PSAT1: variants seen among roughly 807,000 people sequenced by gnomAD.
PSAT1 encodes phosphoserine aminotransferase 1.
Under a neutral mutation model 40.3 loss-of-function variants are expected in PSAT1, and 41 were observed. That is an observed-to-expected ratio of 1.02 (90% CI 0.79 to 1.32). The LOEUF is 1.32. Ranked by LOEUF, PSAT1 falls within the 40% of genes most tolerant of loss-of-function variation. The pLI is 0.00. For missense variants in PSAT1, 406 were observed against 455.8 expected, an observed-to-expected ratio of 0.89 and a Z score of 0.99; for synonymous variants, 147 against 170.5, an observed-to-expected ratio of 0.86 and a Z score of 1.07.
rs1828547751 is a variant in PSAT1 at position 78,329,317 on chromosome 9, G to C, written c.*231G>C. The stretch of plus-strand genomic sequence containing the variant: ...TGGAAGCATTTTAAGAAATCTTGTT[G>C]CTTTTCTAACAAATTCCCGCGTATT... On this transcript the variant is annotated 3_prime_UTR_variant, in exon 9 of 9. Transcript: ENST00000376588. 1.9e-6 allele frequency: 1 copy of C among 529,280 alleles called. No individual in the cohort carries two copies. The highest frequency in any genetic ancestry group is 3.3e-5 in the East Asian group (1 of 30,156). The allele number at this position is 529,280 out of a possible 1,614,324, so 32.8% of individuals were successfully genotyped here. A position where few individuals can be genotyped will look rare whatever the true frequency, so the allele number is the denominator to read the frequency against.
intron 7 of PSAT1, among the ~76,000 whole-genome samples, chr9:78,318,212 T>C (rs891716724): frequency 6.6e-6 from 1 of 152,260 alleles, no homozygotes; most frequent in Non-Finnish European, 1.5e-5. Context: ...TGTCCTCCTC[T>C]TCTGCGTTAT....
At chr9:78,301,690 C>T (rs769401319) in intron 2 of PSAT1, among the ~76,000 whole-genome samples, 1 of 152,146 alleles carries the variant, frequency 6.6e-6, no homozygotes, top group Non-Finnish European at 1.5e-5. Context: ...GAGAGCATCA[C>T]GGAGTGATGA....
At chr9:78,300,031 A>T (rs1214362153) in intron 1 of PSAT1, among the ~76,000 whole-genome samples, 1 of 152,076 alleles carries the variant, frequency 6.6e-6, no homozygotes, top group East Asian at 1.9e-4. Context: ...GAATCCTCAC[A>T]TACACAAAGA....
intron 3 of PSAT1, among the ~76,000 whole-genome samples, chr9:78,302,425 G>C (rs905713381): frequency 6.6e-6 from 1 of 152,020 alleles, no homozygotes; most frequent in African/African-American, 2.4e-5. Flanking sequence ...TGGTTAGGGG[G>C]AATATTAAAA....
intron 7 of PSAT1, among the ~76,000 whole-genome samples, chr9:78,324,280 C>G (rs1338250813): frequency 6.6e-6 from 1 of 152,168 alleles, no homozygotes; most frequent in Non-Finnish European, 1.5e-5. Context: ...GTGAATGCAG[C>G]TTTCCTAAGT....
intron 1 of PSAT1, 72 bp from the exon 2 acceptor site, chr9:78,300,530 G>A (rs1828091966): frequency 6.5e-7 from 1 of 1,537,140 alleles, no homozygotes; most frequent in Admixed American, 2.1e-5. Context: ...CCCCTCGTCA[G>A]GTTTGTATGT....
At chr9:78,310,661 A>C (rs1254714855) in intron 6 of PSAT1, among the ~76,000 whole-genome samples, 1 of 149,964 alleles carries the variant, frequency 6.7e-6, no homozygotes, top group African/African-American at 2.5e-5. Flanking sequence ...CCCAGGCTGG[A>C]GTGCAGTGGC....
intron 6 of PSAT1, among the ~76,000 whole-genome samples, chr9:78,313,590 A>T (rs1828297773): frequency 6.6e-6 from 1 of 152,188 alleles, no homozygotes; most frequent in African/African-American, 2.4e-5. Flanking sequence ...ACTCCACAAT[A>T]TACCATGGGC....
At chr9:78,327,121 A>C (rs1828512243) in intron 7 of PSAT1, among the ~76,000 whole-genome samples, 1 of 146,560 alleles carries the variant, frequency 6.8e-6, no homozygotes, top group African/African-American at 2.6e-5. Context: ...ACGCCCAGCT[A>C]ATTTTTGTAT....
At chr9:78,325,394 C>T (rs1277836863) in intron 7 of PSAT1, among the ~76,000 whole-genome samples, 1 of 152,236 alleles carries the variant, frequency 6.6e-6, no homozygotes, top group African/African-American at 2.4e-5. Flanking sequence ...AGGATCCAGT[C>T]CAGTTCCCAG....
intron 7 of PSAT1, 29 bp from the exon 8 acceptor site, chr9:78,328,022 G>A: frequency 1.9e-6 from 3 of 1,604,890 alleles, no homozygotes; most frequent in Non-Finnish European, 2.6e-6. Context: ...TTTCAGAAAA[G>A]TAGCTGGAAT....
chr9:78,326,203 G>T (rs1299786454), intron 7 of PSAT1, among the ~76,000 whole-genome samples: 1 of 152,118 alleles, frequency 6.6e-6, no homozygotes, highest in East Asian at 1.9e-4. Flanking sequence ...CCCTCAGGGG[G>T]CCTCTCACAC....
At chr9:78,303,532 G>A (rs1025697028) in intron 3 of PSAT1, among the ~76,000 whole-genome samples, 1 of 152,044 alleles carries the variant, frequency 6.6e-6, no homozygotes, top group Admixed American at 6.6e-5. Context: ...CTAGACCTCG[G>A]CCTGGTTTCT....
intron 6 of PSAT1, among the ~76,000 whole-genome samples, chr9:78,315,991 A>T (rs917040716): frequency 1.3e-5 from 2 of 152,088 alleles, no homozygotes; most frequent in African/African-American, 4.8e-5. Flanking sequence ...TTGGCAGCTG[A>T]CCTCCAGACT....
At chr9:78,304,414 T>C (rs926360104) in intron 3 of PSAT1, among the ~76,000 whole-genome samples, 1 of 152,200 alleles carries the variant, frequency 6.6e-6, no homozygotes, top group Non-Finnish European at 1.5e-5. Context: ...TGAGCCAGGG[T>C]TGACCACAGT....
intron 1 of PSAT1, among the ~76,000 whole-genome samples, chr9:78,299,776 G>A (rs1226859507): frequency 1.3e-5 from 2 of 152,012 alleles, no homozygotes; most frequent in Admixed American, 6.5e-5. Context: ...CTCCCAAAGT[G>A]CTGGGATTAC....
intron 1 of PSAT1, among the ~76,000 whole-genome samples, chr9:78,297,981 C>T (rs1352582664): frequency 6.6e-6 from 1 of 150,984 alleles, no homozygotes; most frequent in African/African-American, 2.4e-5. Context: ...CTTTTTTTAA[C>T]CTGCTTGTCC....
intron 6 of PSAT1, among the ~76,000 whole-genome samples, chr9:78,317,173 T>A (rs78893699): frequency 0.024 from 3,631 of 152,306 alleles, 63 homozygotes; most frequent in South Asian, 0.048. Flanking sequence ...CCCTCAGGGA[T>A]CTAGAATTGG....
At chr9:78,320,890 C>T (rs1828420171) in intron 7 of PSAT1, among the ~76,000 whole-genome samples, 1 of 152,140 alleles carries the variant, frequency 6.6e-6, no homozygotes, top group Admixed American at 6.6e-5. Context: ...ATACATTTCT[C>T]AGGAGATGTG....
Sources: gnomAD v4.1 joint callset for allele counts (sites outside exome capture counted in the v4.1 genomes callset) on GRCh38, gnomAD v4.1.1 for gene constraint, MANE v1.5 for transcripts, NCBI Gene and HGNC (gene_info 2026-07-23, HGNC 2026-07-21) for gene names.